Variants in SMURF1 observed in about 807,000 individuals in gnomAD.
The protein encoded by SMURF1 is SMAD specific E3 ubiquitin protein ligase 1, also known as E3 ubiquitin-protein ligase SMURF1.
In SMURF1, 44 loss-of-function variants were observed where a neutral mutation model predicts 98.0. The observed-to-expected ratio is 0.45, with a 90% CI of 0.35 to 0.58. The LOEUF is 0.58. Among genes scored for constraint, SMURF1 ranks in the 20% least tolerant of loss-of-function variants. The pLI is 0.00. For missense variants in SMURF1, 687 were observed against 938.4 expected (o/e 0.73, Z 3.50); for synonymous variants, 396 against 374.9 (o/e 1.06, Z -0.65).
chr7:99,069,924 T>C (rs1796280379), intron 1 of SMURF1, among the ~76,000 whole-genome samples: 2 of 152,204 alleles, frequency 1.3e-5, no homozygotes, highest in South Asian at 2.1e-4. Flanking sequence ...CGGGGAAAAC[T>C]GTCTAAGTTA....
At chr7:99,060,395 A>G (rs78123012) in intron 3 of SMURF1, among the ~76,000 whole-genome samples, 2 of 151,734 alleles carry the variant, frequency 1.3e-5, no homozygotes, top group Admixed American at 6.6e-5. Context: ...AAAAAAAAAA[A>G]AAGAAAAAAG....
At chr7:99,112,257 G>A (rs1797341640) in intron 1 of SMURF1, among the ~76,000 whole-genome samples, 1 of 152,196 alleles carries the variant, frequency 6.6e-6, no homozygotes, top group East Asian at 1.9e-4. Context: ...AGACAGAGTT[G>A]TAAAATGCCT....
rs199898666 is a variant in SMURF1 at position 99,038,453 on chromosome 7, C to T, written c.1623G>A (p.Gln541=). ...TTCTGCCATTGGGTTTCAGTTCATG[C>T]TGCAGGATCCGCCCGAAGGCGTTGT... The part of the protein sequence containing the change: ...VEHNAFGRIL[Q]HELKPNGRNV... Residue 541 remains glutamine (Q), a synonymous_variant, in exon 14 of 18, where the codon CAG becomes CAA. Coordinates refer to ENST00000361368, the MANE Select transcript of SMURF1 (RefSeq NM_181349.3). 2 of 1,614,256 alleles carry T rather than the reference C, an allele frequency of 1.2e-6. No homozygotes were observed. Among genetic ancestry groups the T allele is most frequent in the African/African-American group, 2.7e-5 (2 of 75,080 alleles).
rs182051827 is a variant in SMURF1 at position 99,118,881 on chromosome 7, T to C, written c.55+24845A>G. On this transcript the variant is annotated intron_variant, in intron 1 of 17. Coordinates refer to ENST00000361368, the MANE Select transcript of SMURF1 (RefSeq NM_181349.3). The stretch of plus-strand genomic sequence containing the variant: ...CTATTTATTTCTGCATTGTTATTTT[T>C]AGACAGGGTCTTGCCCTGTACCCAG... Among the ~76,000 whole-genome samples, 47 of 152,182 alleles carry C rather than the reference T, an allele frequency of 3.1e-4. 1 individual carries two copies. The East Asian group carries it at 8.1e-3, about 26-fold the overall frequency.
Position 99,029,304 on chromosome 7 carries a change from A to T in SMURF1, c.*1280T>A, listed in dbSNP as rs1794803013. 2 of 152,638 alleles carry T rather than the reference A, an allele frequency of 1.3e-5. No homozygotes were observed. The highest frequency in any genetic ancestry group is 1.3e-4 in the Admixed American group (2 of 15,274). 9.5% of individuals were successfully genotyped at this position (152,638 alleles called of 1,614,324 possible). A position where few individuals can be genotyped will look rare whatever the true frequency, so the allele number is the denominator to read the frequency against. ...TGCTGTTTTCTGCCCAAGTTCAGCT[A>T]TTGGAAATCAAGCCACTTTAAGATA... On this transcript the variant is annotated 3_prime_UTR_variant, in exon 18 of 18. Transcript: ENST00000361368.
At chr7:99,099,545 C>T (rs929743532) in intron 1 of SMURF1, among the ~76,000 whole-genome samples, 3 of 152,136 alleles carry the variant, frequency 2.0e-5, no homozygotes, top group Non-Finnish European at 4.4e-5. Flanking sequence ...AAGACCACTG[C>T]TGTGGTTTGG....
intron 1 of SMURF1, among the ~76,000 whole-genome samples, chr7:99,072,262 A>G (rs1037467793): frequency 3.9e-5 from 6 of 152,312 alleles, no homozygotes; most frequent in Admixed American, 1.3e-4. Flanking sequence ...GGTCTCAGCA[A>G]TCCTTCTGCC....
Position 99,051,444 on chromosome 7 carries a change from A to G in SMURF1, c.722-3T>C. The G allele has an allele frequency of 6.2e-7, 1 of 1,613,022 alleles. No individual in the cohort carries two copies. Among genetic ancestry groups the G allele is most frequent in the African/African-American group, 1.3e-5 (1 of 75,016 alleles). On this transcript the variant is annotated splice_polypyrimidine_tract_variant and splice_region_variant and intron_variant, in intron 7 of 17. Transcript: ENST00000361368. ...GCCCTGGACTGTTGTTCTTTGTTCT[A>G]CACAAGAAATTAGAGATCCAAATGA...
chr7:99,071,661 T>C (rs980035146), intron 1 of SMURF1, among the ~76,000 whole-genome samples: 2 of 152,220 alleles, frequency 1.3e-5, no homozygotes, highest in African/African-American at 4.8e-5. Flanking sequence ...TATTATAGGC[T>C]AACACCTTTG....
chr7:99,098,719 G>A, intron 1 of SMURF1, among the ~76,000 whole-genome samples: 1 of 152,134 alleles, frequency 6.6e-6, no homozygotes, highest in East Asian at 1.9e-4. Flanking sequence ...TCTATGTCTG[G>A]TCAAGGGAAA....
intron 3 of SMURF1, among the ~76,000 whole-genome samples, 167 bp from the exon 4 acceptor site, chr7:99,057,718 C>T (rs1215985356): frequency 6.6e-6 from 1 of 151,936 alleles, no homozygotes; most frequent in African/African-American, 2.4e-5. Context: ...CTGCCTCAGC[C>T]TCCCGAGTAG....
chr7:99,104,009 C>G (rs888712627), intron 1 of SMURF1, among the ~76,000 whole-genome samples: 1 of 151,928 alleles, frequency 6.6e-6, no homozygotes, highest in Non-Finnish European at 1.5e-5. Flanking sequence ...TCTCGTGCCT[C>G]AGCCTCCCAA....
Position 99,040,303 on chromosome 7 carries a change from GCGCGCA to G in SMURF1, c.1550+69_1550+74del, listed in dbSNP as rs1339216987. On this transcript the variant is annotated intron_variant, in intron 13 of 17. Coordinates refer to ENST00000361368, the MANE Select transcript of SMURF1 (RefSeq NM_181349.3). ...CCAAAATACACACACACGCGCGCGC[GCGCGCA>G]CGCGCATACATACGATAGACGTGGT... 1.1e-5 allele frequency: 15 copies of G among 1,319,012 alleles called. No homozygotes were observed. The South Asian group carries it at 3.2e-4, about 28-fold the overall frequency. 81.7% of individuals were successfully genotyped at this position (1,319,012 alleles called of 1,614,324 possible). A position where few individuals can be genotyped will look rare whatever the true frequency, so the allele number is the denominator to read the frequency against.
intron 1 of SMURF1, among the ~76,000 whole-genome samples, chr7:99,103,832 T>C (rs1464932201): frequency 6.6e-6 from 1 of 152,026 alleles, no homozygotes; most frequent in Non-Finnish European, 1.5e-5. Flanking sequence ...TGGAGACAAT[T>C]TTTGAAATTT....
chr7:99,063,250 T>G (rs1384017270), intron 1 of SMURF1, among the ~76,000 whole-genome samples: 2 of 2,756 alleles, frequency 7.3e-4, no homozygotes, highest in East Asian at 0.022. Context: ...TTTATATATA[T>G]ATATATATAT....
At chr7:99,050,920 C>T in intron 8 of SMURF1, 5 of 1,547,748 alleles carry the variant, frequency 3.2e-6, no homozygotes, top group Non-Finnish European at 3.5e-6. Flanking sequence ...CTAACCTGGG[C>T]TCAGATGTAT....
chr7:99,123,390 G>A (rs550251483), intron 1 of SMURF1, among the ~76,000 whole-genome samples: 9 of 152,042 alleles, frequency 5.9e-5, no homozygotes, highest in South Asian at 4.2e-4. Context: ...ACAATTAGCC[G>A]GGCATGGTAG....
chr7:99,080,713 A>G (rs776095393), intron 1 of SMURF1, among the ~76,000 whole-genome samples: 1 of 152,218 alleles, frequency 6.6e-6, no homozygotes, highest in Non-Finnish European at 1.5e-5. Context: ...AAGCCATCCC[A>G]ACTGAGTTGA....
chr7:99,067,232 A>G (rs2150551472), intron 1 of SMURF1, among the ~76,000 whole-genome samples: 1 of 151,640 alleles, frequency 6.6e-6, no homozygotes, highest in Non-Finnish European at 1.5e-5. Context: ...TTTTGACCTC[A>G]TGGTCCACCC....
Sources: gnomAD v4.1 joint callset for allele counts (sites outside exome capture counted in the v4.1 genomes callset) on GRCh38, gnomAD v4.1.1 for gene constraint, MANE v1.5 for transcripts, NCBI Gene and HGNC (gene_info 2026-07-23, HGNC 2026-07-21) for gene names.